Variants in CDC42EP3 observed in about 807,000 individuals in gnomAD.
CDC42EP3 encodes the protein CDC42 effector protein (Rho GTPase binding) 3.
Under a neutral mutation model 15.5 loss-of-function variants are expected in CDC42EP3, and 4 were observed. The observed-to-expected ratio is 0.26, with a 90% confidence interval of 0.13 to 0.59. The LOEUF (loss-of-function observed/expected upper bound fraction) is 0.59. CDC42EP3 is among the 20% of genes least tolerant of loss of function. The probability of loss-of-function intolerance (pLI) is 0.89; values close to 1 mark genes in which losing one functional copy is unlikely to be tolerated. For synonymous variants in CDC42EP3, 145 were observed against 130.3 expected (o/e 1.11, Z -0.77); for missense variants, 309 against 311.2 (o/e 0.99, Z 0.05).
In CDC42EP3 at chr2:37,642,544, A is replaced by G. The variant is rs1046044047; in HGVS notation, c.*3279T>C. 1.5e-4 allele frequency: 23 copies of G among 152,346 alleles called. No homozygotes were observed. The East Asian group carries it at 4.0e-3, about 27-fold the overall frequency. The allele number at this position is 152,346 out of a possible 1,614,324, so 9.4% of individuals were successfully genotyped here. A position where few individuals can be genotyped will look rare whatever the true frequency, so the allele number is the denominator to read the frequency against. On this transcript the variant is annotated 3_prime_UTR_variant, in exon 2 of 2. Coordinates refer to ENST00000295324, the MANE Select transcript of CDC42EP3 (RefSeq NM_006449.5). ...TTGGGGCTAGGTTAACCTCATTTCC[A>G]AAAGAAAAACTCTTACTGGAGAGAA...
At position 37,645,524 on chromosome 2, in the gene CDC42EP3, C is replaced by G. The variant is rs1665422087; in HGVS notation, c.*299G>C. 4.1e-6 allele frequency: 1 copy of G among 241,368 alleles called. No homozygotes were observed. Among genetic ancestry groups the G allele is most frequent in the Non-Finnish European group, 8.0e-6 (1 of 125,266 alleles). 15.0% of individuals were successfully genotyped at this position (241,368 alleles called of 1,614,324 possible). A position where few individuals can be genotyped will look rare whatever the true frequency, so the allele number is the denominator to read the frequency against. On this transcript the variant is annotated 3_prime_UTR_variant, in exon 2 of 2. Coordinates refer to ENST00000295324, the MANE Select transcript of CDC42EP3 (RefSeq NM_006449.5). Reference sequence around the variant, plus strand: ...TCAGCCCTTCATAGCTAGTGCCAATCCTGGCCAAGCCAGATTTCTTGTGTG... The same window carrying G: ...TCAGCCCTTCATAGCTAGTGCCAATGCTGGCCAAGCCAGATTTCTTGTGTG...
rs1462639553 is a variant in CDC42EP3, at chr2:37,646,095, C to T, written c.493G>A (p.Val165Ile). Residue 165 changes from valine to isoleucine, a missense_variant, in exon 2 of 2, where the codon GTC becomes ATC. Coordinates refer to ENST00000295324, the MANE Select transcript of CDC42EP3 (RefSeq NM_006449.5). Reference sequence around the variant, plus strand: ...CCCCACGAGGTGTCTCCCTGGTGGACTGTCCCATTCTCCAACAGACTGCTT... The same window carrying T: ...CCCCACGAGGTGTCTCCCTGGTGGATTGTCCCATTCTCCAACAGACTGCTT... ...EKSSLLENGT[V>I]HQGDTSWGSS... 1 of 1,614,118 alleles carries T rather than the reference C, an allele frequency of 6.2e-7. No homozygotes were observed. Among genetic ancestry groups the T allele is most frequent in the Non-Finnish European group, 8.5e-7 (1 of 1,180,056 alleles).
chr2:37,671,952 C>T (rs1299229697), upstream of CDC42EP3: 3 of 152,182 alleles, frequency 2.0e-5, no homozygotes, highest in South Asian at 4.1e-4. Context: ...AGAAAGGTCG[C>T]CGGACGCTCG....
rs772925353 is a variant in CDC42EP3, at chr2:37,646,628, G to C, written c.-41C>G. Reference sequence around the variant, plus strand: ...TGTCTATTTTGCAAGCGGGAGAAAGGGCCACTTTCTTCACAGATGGTATAT... The same window carrying C: ...TGTCTATTTTGCAAGCGGGAGAAAGCGCCACTTTCTTCACAGATGGTATAT... On this transcript the variant is annotated 5_prime_UTR_variant, in exon 2 of 2. Transcript: ENST00000295324. 6.7e-7 allele frequency: 1 copy of C among 1,495,938 alleles called. No homozygotes were observed. The highest frequency in any genetic ancestry group is 1.4e-5 in the South Asian group (1 of 73,612). The allele number at this position is 1,495,938 out of a possible 1,614,324, so 92.7% of individuals were successfully genotyped here. A position where few individuals can be genotyped will look rare whatever the true frequency, so the allele number is the denominator to read the frequency against.
intron 1 of CDC42EP3, among the ~76,000 whole-genome samples, chr2:37,648,155 G>A (rs1665536779): frequency 6.6e-6 from 1 of 152,204 alleles, no homozygotes; most frequent in South Asian, 2.1e-4. Context: ...CCAATGAGAT[G>A]CTCTTATCTC....
rs10573780 is a variant in CDC42EP3, at chr2:37,643,973, A to ATTTTTTTTTTTTTTTTTTTTTTTTATT, written c.*1849_*1850insAATAAAAAAAAAAAAAAAAAAAAAAAA. On this transcript the variant is annotated 3_prime_UTR_variant, in exon 2 of 2. Transcript: ENST00000295324. Reference sequence around the variant, plus strand: ...TTAAACTTTCTTAAAACAGTCTGAGATTTTTTTTTTTTTTTTTTTTTGCAA... The same window carrying ATTTTTTTTTTTTTTTTTTTTTTTTATT: ...TTAAACTTTCTTAAAACAGTCTGAGATTTTTTTTTTTTTTTTTTTTTTTTATTTTTTTTTTTTTTTTTTTTTTTGCAA... 3 of 121,710 alleles carry ATTTTTTTTTTTTTTTTTTTTTTTTATT rather than the reference A, an allele frequency of 2.5e-5. No homozygotes were observed. The highest frequency in any genetic ancestry group is 5.6e-5 in the Non-Finnish European group (3 of 53,390). The allele number at this position is 121,710 out of a possible 1,614,324, so 7.5% of individuals were successfully genotyped here.
At chr2:37,669,644 G>T (rs1333914164) in intron 1 of CDC42EP3, among the ~76,000 whole-genome samples, 1 of 152,198 alleles carries the variant, frequency 6.6e-6, no homozygotes, top group Non-Finnish European at 1.5e-5. Context: ...TCTAATCATA[G>T]AATTCATCAT....
At chr2:37,658,370 C>A (rs11883958) in intron 1 of CDC42EP3, among the ~76,000 whole-genome samples, 1 of 151,904 alleles carries the variant, frequency 6.6e-6, no homozygotes, top group African/African-American at 2.4e-5. Context: ...GCTTGCATGG[C>A]GGTTGTGTGT....
At chr2:37,649,199 C>A (rs1665584667) in intron 1 of CDC42EP3, among the ~76,000 whole-genome samples, 1 of 151,840 alleles carries the variant, frequency 6.6e-6, no homozygotes, top group South Asian at 2.1e-4. Context: ...GCCGGTAGTC[C>A]CAGCTACTCA....
chr2:37,672,550 G>C (rs929535858), upstream of CDC42EP3: 1 of 152,182 alleles, frequency 6.6e-6, no homozygotes, highest in Non-Finnish European at 1.5e-5. Context: ...CGCCCGGCGC[G>C]CCCCTCCCCT....
At chr2:37,655,901 C>T (rs1398121565) in intron 1 of CDC42EP3, among the ~76,000 whole-genome samples, 1 of 152,224 alleles carries the variant, frequency 6.6e-6, no homozygotes, top group Non-Finnish European at 1.5e-5. Flanking sequence ...AGCAATTATT[C>T]TATGCAGTAC....
intron 1 of CDC42EP3, among the ~76,000 whole-genome samples, chr2:37,647,129 G>A (rs1006804635): frequency 1.3e-5 from 2 of 152,198 alleles, no homozygotes; most frequent in African/African-American, 4.8e-5. Flanking sequence ...AGTGATTTCA[G>A]CTCCTTAAAT....
rs1349980061 is a variant in CDC42EP3 at position 37,648,167 on chromosome 2, T to G, written c.-235-1345A>C. Among the ~76,000 whole-genome samples the G allele has an allele frequency of 2.0e-5, 3 of 152,228 alleles. No individual in the cohort carries two copies. In the South Asian group the frequency reaches 6.2e-4, roughly 32 times the overall value. On this transcript the variant is annotated intron_variant, in intron 1 of 1. Coordinates refer to ENST00000295324, the MANE Select transcript of CDC42EP3 (RefSeq NM_006449.5). ...TTGCCAATGAGATGCTCTTATCTCT[T>G]GAAAATAATCCTCCACCTCTGATGC... is the stretch of plus-strand genomic sequence containing the variant.
intron 1 of CDC42EP3, among the ~76,000 whole-genome samples, chr2:37,666,373 T>C (rs1016674287): frequency 6.6e-5 from 10 of 152,190 alleles, no homozygotes; most frequent in African/African-American, 2.2e-4. Flanking sequence ...CAGAATACTT[T>C]TATGACATTC....
rs1665460728 is a variant in CDC42EP3, at chr2:37,646,253, A to G, written c.335T>C (p.Ile112Thr). Residue 112 changes from isoleucine to threonine, a missense_variant, in exon 2 of 2, where the codon ATT becomes ACT. By Grantham distance (89) the Ile-to-Thr change is moderately conservative (BLOSUM62 -1). Transcript: ENST00000295324. ...CAACATGAGAGCTTGGGATCCTCCA[A>G]TGGTCGGGAGGGAGATGGCATTTTT... ...VLKNAISLPT[I>T]GGSQALMLPL... is the part of the protein sequence containing the mutation. The G allele has an allele frequency of 1.2e-6, 2 of 1,614,102 alleles. No homozygotes were observed. Among genetic ancestry groups the G allele is most frequent in the East Asian group, 2.2e-5 (1 of 44,872 alleles).
At chr2:37,651,184 A>C (rs1336126529) in intron 1 of CDC42EP3, among the ~76,000 whole-genome samples, 1 of 152,254 alleles carries the variant, frequency 6.6e-6, no homozygotes, top group African/African-American at 2.4e-5. Context: ...TGGCTTATCT[A>C]TAGAGTATTT....
chr2:37,657,400 G>A (rs1665902166), intron 1 of CDC42EP3, among the ~76,000 whole-genome samples: 1 of 152,156 alleles, frequency 6.6e-6, no homozygotes, highest in South Asian at 2.1e-4. Flanking sequence ...CCTGTTTTGT[G>A]GTTTTAATGC....
At chr2:37,651,148 G>A (rs1665663877) in intron 1 of CDC42EP3, among the ~76,000 whole-genome samples, 1 of 152,132 alleles carries the variant, frequency 6.6e-6, no homozygotes, top group Non-Finnish European at 1.5e-5. Context: ...AAAAAGAGGT[G>A]CAAATGCGTG....
In CDC42EP3 at chr2:37,646,181, C is replaced by T; in HGVS notation, c.407G>A (p.Gly136Glu). ...GCTAAGCCTGGGCAGCTTTGCTGGC[C>T]CGAAGGACTCCTGTTTGGAATTAAA... ...VTFNSKQESF[G>E]PAKLPRLSCE... is the part of the protein sequence containing the mutation. Residue 136 changes from glycine (G) to glutamate (E), a missense_variant, in exon 2 of 2, where the codon GGG becomes GAG. By Grantham distance (98) the Gly-to-Glu change is moderately conservative (BLOSUM62 -2). Coordinates refer to ENST00000295324, the MANE Select transcript of CDC42EP3 (RefSeq NM_006449.5). 1 of 1,614,116 alleles carries T rather than the reference C, an allele frequency of 6.2e-7. No individual in the cohort carries two copies. The highest frequency in any genetic ancestry group is 8.5e-7 in the Non-Finnish European group (1 of 1,180,020).
Sources: gnomAD v4.1 joint callset for allele counts (sites outside exome capture counted in the v4.1 genomes callset) on GRCh38, gnomAD v4.1.1 for gene constraint, MANE v1.5 for transcripts, NCBI Gene and HGNC (gene_info 2026-07-23, HGNC 2026-07-21) for gene names.